The following SHC4 variants were observed in gnomAD, a reference collection of about 807,000 sequenced individuals.
The protein encoded by SHC4 is SHC adaptor protein 4.
In SHC4, 41 loss-of-function variants were observed where a neutral mutation model predicts 69.4. The observed-to-expected ratio is 0.59, with a 90% CI of 0.46 to 0.77. The LOEUF (loss-of-function observed/expected upper bound fraction) is 0.77, where lower values mean the gene tolerates loss of function less well. SHC4 is among the 30% of genes least tolerant of loss of function. The pLI is 0.00. For missense variants in SHC4, 777 were observed against 783.8 expected (o/e 0.99, Z 0.10); for synonymous variants, 318 against 299.3 (o/e 1.06, Z -0.64).
At chr15:48,858,412 T>C (rs765657928) in intron 6 of SHC4, among the ~76,000 whole-genome samples, 4 of 152,142 alleles carry the variant, frequency 2.6e-5, no homozygotes, top group Non-Finnish European at 4.4e-5. Flanking sequence ...GTGTCTTCAA[T>C]AAGCATCAAA....
At chr15:48,928,024 G>A (rs1373252270) in intron 1 of SHC4, among the ~76,000 whole-genome samples, 1 of 152,124 alleles carries the variant, frequency 6.6e-6, no homozygotes, top group African/African-American at 2.4e-5. Context: ...AATGAATGAA[G>A]CATCTTTTGT....
At chr15:48,906,166 T>C (rs568099987) in intron 2 of SHC4, among the ~76,000 whole-genome samples, 1 of 152,316 alleles carries the variant, frequency 6.6e-6, no homozygotes, top group East Asian at 1.9e-4. Context: ...TACCTATACA[T>C]GGAGTCTCAA....
intron 2 of SHC4, among the ~76,000 whole-genome samples, chr15:48,905,935 T>G (rs766431500): frequency 6.6e-6 from 1 of 152,200 alleles, no homozygotes; most frequent in Non-Finnish European, 1.5e-5. Flanking sequence ...CCACAACATA[T>G]TTTTAGAAAC....
chr15:48,824,303 A>G lies in SHC4; in HGVS notation c.*1668T>C, dbSNP rs1898648106. 1 of 152,214 alleles carries G rather than the reference A, an allele frequency of 6.6e-6. No individual in the cohort carries two copies. Among genetic ancestry groups the G allele is most frequent in the Non-Finnish European group, 1.5e-5 (1 of 68,034 alleles). The allele number at this position is 152,214 out of a possible 1,614,324, so 9.4% of individuals were successfully genotyped here. On this transcript the variant is annotated 3_prime_UTR_variant, in exon 12 of 12. Coordinates refer to ENST00000332408, the MANE Select transcript of SHC4 (RefSeq NM_203349.4). ...GCTTGGTTTCTAATGATTTCTATCC[A>G]AAAGAAGTTTTATTTAAAACTTAGC...
chr15:48,878,085 A>AGCGCGCAGCCTTTGCGC, intron 4 of SHC4: 6 of 1,480,224 alleles, frequency 4.1e-6, no homozygotes, highest in Non-Finnish European at 5.4e-6. Flanking sequence ...GGGTTACGCA[A>AGCGCGCAGCCTTTGCGC]GCGCGCAGCC....
chr15:48,862,252 G>A (rs1158680759), intron 6 of SHC4, among the ~76,000 whole-genome samples: 1 of 151,390 alleles, frequency 6.6e-6, no homozygotes, highest in Non-Finnish European at 1.5e-5. Flanking sequence ...CCTATATCCA[G>A]GTAGTCCAAG....
chr15:48,930,158 A>G (rs943150701), intron 1 of SHC4, among the ~76,000 whole-genome samples: 1 of 152,264 alleles, frequency 6.6e-6, no homozygotes, highest in Non-Finnish European at 1.5e-5. Context: ...CTGCAGGATA[A>G]TAAGAAACTA....
chr15:48,841,151 A>G (rs914831833), intron 10 of SHC4, among the ~76,000 whole-genome samples: 5 of 152,244 alleles, frequency 3.3e-5, no homozygotes, highest in African/African-American at 1.2e-4. Flanking sequence ...ATCAAAGAAT[A>G]TTCCAGATCA....
At chr15:48,831,003 A>G (rs1405572949) in intron 11 of SHC4, among the ~76,000 whole-genome samples, 1 of 152,162 alleles carries the variant, frequency 6.6e-6, no homozygotes. Flanking sequence ...TGCTAGCCTA[A>G]TGTCTGTGTT....
At chr15:48,930,155 A>T (rs911708769) in intron 1 of SHC4, among the ~76,000 whole-genome samples, 2 of 152,262 alleles carry the variant, frequency 1.3e-5, no homozygotes, top group African/African-American at 4.8e-5. Context: ...GGTCTGCAGG[A>T]TAATAAGAAA....
At chr15:48,947,056 T>G (rs1901289950) in intron 1 of SHC4, 1 of 152,228 alleles carries the variant, frequency 6.6e-6, no homozygotes, top group Non-Finnish European at 1.5e-5. Context: ...CAGTTAGAGC[T>G]ACTCTGAAAA....
chr15:48,867,442 G>GAC (rs1431073738), intron 6 of SHC4, among the ~76,000 whole-genome samples: 6 of 150,902 alleles, frequency 4.0e-5, no homozygotes, highest in East Asian at 4.2e-4. Context: ...CACACACACA[G>GAC]ACACACACAC....
At chr15:48,946,358 T>G (rs1158819222) in intron 1 of SHC4, among the ~76,000 whole-genome samples, 1 of 152,236 alleles carries the variant, frequency 6.6e-6, no homozygotes, top group African/African-American at 2.4e-5. Context: ...CCCATGACTG[T>G]GCACATTATG....
Position 48,956,803 on chromosome 15 carries a change from A to G in SHC4, c.585+5628T>C, listed in dbSNP as rs113180031. The stretch of plus-strand genomic sequence containing the variant: ...CATTCTTTCTCTTCTCTGCTAACAT[A>G]AAGTGGATAAACATTATTTCCTCAA... On this transcript the variant is annotated intron_variant, in intron 1 of 11. Transcript: ENST00000332408. Among the ~76,000 whole-genome samples, 157 of 152,324 alleles carry G rather than the reference A, an allele frequency of 1.0e-3. 1 individual carries two copies. Among genetic ancestry groups the G allele is most frequent in the African/African-American group, 3.7e-3 (154 of 41,564 alleles).
At chr15:48,862,814 G>C (rs1422619593) in intron 6 of SHC4, among the ~76,000 whole-genome samples, 1 of 152,082 alleles carries the variant, frequency 6.6e-6, no homozygotes, top group Non-Finnish European at 1.5e-5. Context: ...CTTCCCCTCT[G>C]TTAGGTAATA....
intron 3 of SHC4, among the ~76,000 whole-genome samples, chr15:48,889,791 C>G (rs62010876): frequency 1.3e-5 from 2 of 152,030 alleles, no homozygotes; most frequent in African/African-American, 4.8e-5. Context: ...TTGCAGTGAG[C>G]CGAGATCGCA....
intron 3 of SHC4, among the ~76,000 whole-genome samples, chr15:48,884,911 AC>A (rs1900006682): frequency 6.6e-6 from 1 of 152,154 alleles, no homozygotes; most frequent in Non-Finnish European, 1.5e-5. Flanking sequence ...ACCACTGGGC[AC>A]CCTTTTAGGT....
intron 1 of SHC4, 68 bp downstream of exon 1, chr15:48,962,363 T>A (rs1901558103): frequency 6.8e-7 from 1 of 1,467,062 alleles, no homozygotes; most frequent in African/African-American, 1.4e-5. Flanking sequence ...TTAGACCCCT[T>A]GCAGAAAGCA....
chr15:48,859,191 T>C (rs975483852), intron 6 of SHC4, among the ~76,000 whole-genome samples: 1 of 152,212 alleles, frequency 6.6e-6, no homozygotes, highest in Non-Finnish European at 1.5e-5. Flanking sequence ...TAACAGAACC[T>C]ATAACAGTGT....
Sources: gnomAD v4.1 joint callset for allele counts (sites outside exome capture counted in the v4.1 genomes callset) on GRCh38, gnomAD v4.1.1 for gene constraint, MANE v1.5 for transcripts, NCBI Gene and HGNC (gene_info 2026-07-23, HGNC 2026-07-21) for gene names.